CHSY1: variants seen among roughly 807,000 people sequenced by gnomAD.
The protein encoded by CHSY1 is chondroitin sulfate synthase 1.
A neutral mutation model predicts 59.8 loss-of-function variants in CHSY1; 13 were observed. That is an observed-to-expected ratio of 0.22 (90% CI 0.14 to 0.35). The LOEUF (loss-of-function observed/expected upper bound fraction) is 0.35. Among genes scored for constraint, CHSY1 ranks in the 10% least tolerant of loss-of-function variants. The pLI is 1.00. For missense variants in CHSY1, 947 were observed against 1,030.6 expected (o/e 0.92, Z 1.11); for synonymous variants, 459 against 401.2 (o/e 1.14, Z -1.72).
intron 2 of CHSY1, among the ~76,000 whole-genome samples, chr15:101,209,236 T>C (rs1242946572): frequency 6.6e-6 from 1 of 152,202 alleles, no homozygotes; most frequent in Non-Finnish European, 1.5e-5. Context: ...AACGCTTCTG[T>C]AGTATCTGCA....
intron 2 of CHSY1, among the ~76,000 whole-genome samples, chr15:101,195,587 T>A (rs1278707225): frequency 6.6e-6 from 1 of 152,202 alleles, no homozygotes; most frequent in Admixed American, 6.5e-5. Context: ...CTTGGGAGGC[T>A]GAGACGGGCA....
chr15:101,208,806 G>C (rs2038654548), intron 2 of CHSY1, among the ~76,000 whole-genome samples: 1 of 151,804 alleles, frequency 6.6e-6, no homozygotes, highest in Non-Finnish European at 1.5e-5. Context: ...TATAATAATG[G>C]TAAGAGATTA....
chr15:101,228,337 C>A (rs560413577), intron 2 of CHSY1, among the ~76,000 whole-genome samples: 1 of 152,120 alleles, frequency 6.6e-6, no homozygotes, highest in South Asian at 2.1e-4. Context: ...AGTGAAAAAT[C>A]TCCAAATTTG....
intron 2 of CHSY1, among the ~76,000 whole-genome samples, chr15:101,232,135 C>G (rs974263342): frequency 6.6e-6 from 1 of 152,178 alleles, no homozygotes; most frequent in African/African-American, 2.4e-5. Flanking sequence ...AGTGTCATCC[C>G]AAGGTACTAT....
In CHSY1 at chr15:101,176,140, A is replaced by G. The variant is rs1567334431; in HGVS notation, c.*1248T>C. 1 of 397,926 alleles carries G rather than the reference A, an allele frequency of 2.5e-6. No homozygotes were observed. Among genetic ancestry groups the G allele is most frequent in the East Asian group, 3.6e-5 (1 of 27,994 alleles). 24.6% of individuals were successfully genotyped at this position (397,926 alleles called of 1,614,324 possible). ...CTTTGGAGATCGGTTTACTGCAAATAAAACAGACTAAACACACTCCCGATA... is the reference window on the plus strand; with the variant it reads ...CTTTGGAGATCGGTTTACTGCAAATGAAACAGACTAAACACACTCCCGATA... On this transcript the variant is annotated 3_prime_UTR_variant, in exon 3 of 3. Transcript: ENST00000254190.
chr15:101,220,465 C>G (rs77104549), intron 2 of CHSY1, among the ~76,000 whole-genome samples: 2,815 of 152,280 alleles, frequency 0.018, 98 homozygotes, highest in African/African-American at 0.064. Context: ...TCTCTCTCCC[C>G]ACATCCTATC....
chr15:101,244,690 A>T (rs954451969), intron 1 of CHSY1, among the ~76,000 whole-genome samples: 1 of 152,254 alleles, frequency 6.6e-6, no homozygotes, highest in Non-Finnish European at 1.5e-5. Context: ...CTTTAAACAC[A>T]GAAGGGCTTT....
At chr15:101,239,421 A>G (rs1480642389) in intron 1 of CHSY1, among the ~76,000 whole-genome samples, 1 of 152,258 alleles carries the variant, frequency 6.6e-6, no homozygotes. Flanking sequence ...GCATCACCGC[A>G]AGAGCTGGCT....
At chr15:101,221,084 C>A (rs1278931380) in intron 2 of CHSY1, among the ~76,000 whole-genome samples, 1 of 152,182 alleles carries the variant, frequency 6.6e-6, no homozygotes, top group Non-Finnish European at 1.5e-5. Context: ...TTTCGGACAT[C>A]CCCATAGAGA....
At chr15:101,207,086 A>G (rs1397544438) in intron 2 of CHSY1, among the ~76,000 whole-genome samples, 1 of 151,954 alleles carries the variant, frequency 6.6e-6, no homozygotes, top group Non-Finnish European at 1.5e-5. Flanking sequence ...CTAAAAGGGG[A>G]AAAATCCTAC....
chr15:101,234,992 T>C (rs1474265246), intron 2 of CHSY1, 90 bp downstream of exon 2: 13 of 1,509,204 alleles, frequency 8.6e-6, no homozygotes, highest in South Asian at 1.1e-5. Context: ...TCAAAGAGGA[T>C]ATCATCTCTA....
intron 1 of CHSY1, among the ~76,000 whole-genome samples, chr15:101,246,999 T>C (rs2039058523): frequency 6.6e-6 from 1 of 152,204 alleles, no homozygotes; most frequent in African/African-American, 2.4e-5. Context: ...ACAGTACCAT[T>C]TTAAAGCGAA....
In CHSY1 at chr15:101,178,578, C is replaced by T. The variant is rs748073671; in HGVS notation, c.1219G>A (p.Asp407Asn). Residue 407 changes from aspartate to asparagine, a missense_variant, in exon 3 of 3, where the codon GAC (aspartate) becomes AAC (asparagine). By Grantham distance (23) the Asp-to-Asn change is conservative. Transcript: ENST00000254190. Reference protein sequence around the residue: ...MDSAQREALDDIVMQVMEMIN... With the variant: ...MDSAQREALDNIVMQVMEMIN... ...ATCTCCATGACCTGCATGACAATGT[C>T]GTCCAAGGCTTCCCTCTGGGCGGAG... 1.1e-5 allele frequency: 18 copies of T among 1,614,088 alleles called. No homozygotes were observed. Among genetic ancestry groups the T allele is most frequent in the African/African-American group, 1.3e-5 (1 of 74,930 alleles).
chr15:101,209,736 G>C (rs965257132), intron 2 of CHSY1, among the ~76,000 whole-genome samples: 3 of 152,186 alleles, frequency 2.0e-5, no homozygotes, highest in African/African-American at 7.2e-5. Flanking sequence ...TATAAATAGT[G>C]AATCAGAAAC....
chr15:101,233,324 CCTAA>C (rs1469172677), intron 2 of CHSY1, among the ~76,000 whole-genome samples: 1 of 152,110 alleles, frequency 6.6e-6, no homozygotes, highest in Admixed American at 6.6e-5. Flanking sequence ...AACAGCACGA[CCTAA>C]CTAAGACATA....
intron 2 of CHSY1, among the ~76,000 whole-genome samples, chr15:101,217,232 A>T (rs894214671): frequency 2.0e-4 from 30 of 152,256 alleles, no homozygotes; most frequent in African/African-American, 7.2e-4. Context: ...TTAGCAAAGA[A>T]GGAGGCTAGA....
At chr15:101,234,013 T>C (rs1050754770) in intron 2 of CHSY1, among the ~76,000 whole-genome samples, 2 of 152,188 alleles carry the variant, frequency 1.3e-5, no homozygotes, top group African/African-American at 4.8e-5. Flanking sequence ...CTAAAGACAA[T>C]ACAACCTCAA....
chr15:101,180,151 G>C (rs1365194646), intron 2 of CHSY1, among the ~76,000 whole-genome samples: 3 of 152,188 alleles, frequency 2.0e-5, no homozygotes, highest in Non-Finnish European at 4.4e-5. Flanking sequence ...TTTAATAGTA[G>C]AGAAATATAA....
At chr15:101,234,045 G>A (rs2038916243) in intron 2 of CHSY1, among the ~76,000 whole-genome samples, 1 of 152,058 alleles carries the variant, frequency 6.6e-6, no homozygotes, top group South Asian at 2.1e-4. Flanking sequence ...ACCATTAACT[G>A]GTATCAGATT....
Sources: allele counts gnomAD v4.1 joint callset (sites outside exome capture counted in the v4.1 genomes callset), GRCh38; gene constraint gnomAD v4.1.1; transcripts MANE v1.5; gene names NCBI Gene and HGNC (gene_info 2026-07-23, HGNC 2026-07-21).